The following PDE3A variants were observed in gnomAD, a reference collection of about 807,000 sequenced individuals.
PDE3A encodes the protein phosphodiesterase 3A, also known as cGMP-inhibited 3',5'-cyclic phosphodiesterase 3A.
Under a neutral mutation model 98.3 loss-of-function variants are expected in PDE3A, and 43 were observed. The ratio of observed to expected loss-of-function variants is 0.44; its 90% CI spans 0.34 to 0.56. The LOEUF is 0.56. PDE3A is among the 20% of genes least tolerant of loss of function. PDE3A has a pLI of 0.01. For synonymous variants in PDE3A, 663 were observed against 567.9 expected, an observed-to-expected ratio of 1.17 and a Z score of -2.38; for missense variants, 1,427 against 1,440.7, an observed-to-expected ratio of 0.99 and a Z score of 0.15.
At chr12:20,533,928 C>T (rs1362272089) in intron 1 of PDE3A, among the ~76,000 whole-genome samples, 1 of 152,070 alleles carries the variant, frequency 6.6e-6, no homozygotes, top group Non-Finnish European at 1.5e-5. Context: ...CTTTTTAGTG[C>T]ATCTTAAGTA....
At chr12:20,490,391 T>C (rs1318684184) in intron 1 of PDE3A, among the ~76,000 whole-genome samples, 3 of 152,224 alleles carry the variant, frequency 2.0e-5, no homozygotes, top group African/African-American at 7.2e-5. Flanking sequence ...ATTGTTCATA[T>C]TGAATTCCTT....
chr12:20,526,560 C>A (rs2121170094), intron 1 of PDE3A, among the ~76,000 whole-genome samples: 1 of 152,192 alleles, frequency 6.6e-6, no homozygotes, highest in South Asian at 2.1e-4. Flanking sequence ...AAGCAGAGAT[C>A]CATGTTCTGT....
At chr12:20,561,471 C>A (rs1392166477) in intron 2 of PDE3A, among the ~76,000 whole-genome samples, 1 of 152,068 alleles carries the variant, frequency 6.6e-6, no homozygotes, top group Non-Finnish European at 1.5e-5. Context: ...CAGTACAAAG[C>A]AGAGAGCTGT....
At chr12:20,478,959 A>G (rs1945577137) in intron 1 of PDE3A, among the ~76,000 whole-genome samples, 1 of 152,192 alleles carries the variant, frequency 6.6e-6, no homozygotes, top group Admixed American at 6.5e-5. Context: ...AAAGAGCAGA[A>G]AATAATTACA....
rs1944984376 is a variant in PDE3A at position 20,654,145 on chromosome 12, G to A, written c.3124G>A (p.Glu1042Lys). The change falls in exon 15 of 16, where the codon GAG becomes AAG. Residue 1042 changes from glutamate (E) to lysine (K), a missense_variant. This residue lies in a region of PDE3A where 142 missense variants were observed against 133.9 expected (regional missense o/e 1.06). Coordinates refer to ENST00000359062, the MANE Select transcript of PDE3A (RefSeq NM_000921.5). ...ESGDTDDPEE[E>K]EEEAPAPNEE... ...AGGAGATACTGATGACCCAGAAGAAGAGGAGGAAGAAGCACCAGCACCAAA... is the reference window on the plus strand; with the variant it reads ...AGGAGATACTGATGACCCAGAAGAAAAGGAGGAAGAAGCACCAGCACCAAA... The A allele has an allele frequency of 6.2e-7, 1 of 1,614,100 alleles. No homozygotes were observed. The highest frequency in any genetic ancestry group is 8.5e-7 in the Non-Finnish European group (1 of 1,179,946).
At chr12:20,394,701 G>A (rs373434587) in intron 1 of PDE3A, among the ~76,000 whole-genome samples, 1 of 152,012 alleles carries the variant, frequency 6.6e-6, no homozygotes, top group Non-Finnish European at 1.5e-5. Context: ...GCAAGAACTT[G>A]AATCTTTTAT....
At chr12:20,637,070 G>A (rs750042278) in intron 8 of PDE3A, 30 bp from the exon 9 acceptor site, 4 of 1,521,310 alleles carry the variant, frequency 2.6e-6, no homozygotes, top group African/African-American at 1.4e-5. Context: ...ACTGCATGCT[G>A]TTTAAGTATT....
In PDE3A at chr12:20,369,510, C is replaced by T; in HGVS notation, c.226C>T (p.Leu76=). Residue 76 remains leucine, a synonymous_variant, in exon 1 of 16, where the codon CTG becomes TTG. Transcript: ENST00000359062. The stretch of plus-strand genomic sequence containing the variant: ...GGGCTCCCTGTCCTTTCTGCTGGCG[C>T]TGCTGGTGAGGCTGGTCCGCGGGGA... ...CAGSLSFLLA[L]LVRLVRGEVG... is the part of the protein sequence containing the mutation. 1 of 1,561,504 alleles carries T rather than the reference C, an allele frequency of 6.4e-7. No homozygotes were observed. The highest frequency in any genetic ancestry group is 1.2e-5 in the South Asian group (1 of 84,850).
intron 1 of PDE3A, 163 bp downstream of exon 1, chr12:20,370,407 T>G (rs942613513): frequency 8.5e-5 from 40 of 473,340 alleles, no homozygotes; most frequent in African/African-American, 3.5e-4. Flanking sequence ...TTTGTTTTTT[T>G]TGTTTTTTTT....
chr12:20,660,590 A>G (rs4485156), intron 15 of PDE3A, among the ~76,000 whole-genome samples: 93,526 of 152,032 alleles, frequency 0.62, 29,071 homozygotes, highest in East Asian at 0.79. Flanking sequence ...TTGTATCATC[A>G]TGGCAAGTCT....
intron 1 of PDE3A, among the ~76,000 whole-genome samples, chr12:20,554,061 A>G (rs1942296422): frequency 6.6e-6 from 1 of 151,724 alleles, no homozygotes; most frequent in Non-Finnish European, 1.5e-5. Context: ...ATGTACCAAG[A>G]AAGATATAAC....
chr12:20,669,921 C>T (rs1330704237), intron 15 of PDE3A, among the ~76,000 whole-genome samples: 3 of 152,126 alleles, frequency 2.0e-5, no homozygotes, highest in African/African-American at 7.2e-5. Context: ...GATAAAGAGT[C>T]AAGACCAATC....
intron 1 of PDE3A, among the ~76,000 whole-genome samples, chr12:20,524,144 G>A (rs1460542190): frequency 6.6e-6 from 1 of 152,096 alleles, no homozygotes; most frequent in African/African-American, 2.4e-5. Flanking sequence ...GGAATAAAAT[G>A]GAAGCACTCT....
chr12:20,413,041 A>C (rs2120717752), intron 1 of PDE3A, among the ~76,000 whole-genome samples: 1 of 152,356 alleles, frequency 6.6e-6, no homozygotes, highest in South Asian at 2.1e-4. Context: ...TAGGAATAAA[A>C]TGATAAACAG....
chr12:20,526,924 GTGTGTGTGTT>G (rs1483138559), intron 1 of PDE3A, among the ~76,000 whole-genome samples: 59 of 147,120 alleles, frequency 4.0e-4, no homozygotes, highest in Non-Finnish European at 8.3e-4. Context: ...GTGTGTGTGT[GTGTGTGTGTT>G]TGAGACCAAG....
At chr12:20,402,802 C>T (rs980433208) in intron 1 of PDE3A, among the ~76,000 whole-genome samples, 3 of 151,950 alleles carry the variant, frequency 2.0e-5, no homozygotes, top group Non-Finnish European at 4.4e-5. Flanking sequence ...CCTAGTTGTA[C>T]AAGAATAACC....
At chr12:20,510,713 A>C (rs2121114536) in intron 1 of PDE3A, among the ~76,000 whole-genome samples, 1 of 152,212 alleles carries the variant, frequency 6.6e-6, no homozygotes, top group South Asian at 2.1e-4. Flanking sequence ...AATAGAAGAT[A>C]CAGAGAGTTA....
intron 1 of PDE3A, among the ~76,000 whole-genome samples, chr12:20,418,254 G>A (rs558036691): frequency 4.6e-5 from 7 of 152,152 alleles, no homozygotes; most frequent in African/African-American, 1.4e-4. Context: ...TAAATGTGTC[G>A]GGAGGATTAA....
chr12:20,399,040 T>G (rs1003081482), intron 1 of PDE3A, among the ~76,000 whole-genome samples: 1 of 152,186 alleles, frequency 6.6e-6, no homozygotes, highest in Admixed American at 6.5e-5. Context: ...AATTTAACTA[T>G]TCTTGATATC....
Sources: gnomAD v4.1 joint callset for allele counts (sites outside exome capture counted in the v4.1 genomes callset) on GRCh38, gnomAD v4.1.1 for gene constraint, gnomAD v4.1.1 regional missense constraint, MANE v1.5 for transcripts, NCBI Gene and HGNC (gene_info 2026-07-23, HGNC 2026-07-21) for gene names.